The following AP1G1 variants were observed in gnomAD, a reference collection of about 807,000 sequenced individuals.
AP1G1 encodes adaptor related protein complex 1 subunit gamma 1.
Under a neutral mutation model 108.3 loss-of-function variants are expected in AP1G1, and 7 were observed. That is an observed-to-expected ratio of 0.06 (90% confidence interval 0.04 to 0.12). The LOEUF is 0.12. Among genes scored for constraint, AP1G1 ranks in the 10% least tolerant of loss-of-function variants. The pLI is 1.00. For missense variants in AP1G1, 756 were observed against 1,010.7 expected, an observed-to-expected ratio of 0.75 and a Z score of 3.42; for synonymous variants, 379 against 353.5, an observed-to-expected ratio of 1.07 and a Z score of -0.81.
intron 7 of AP1G1, among the ~76,000 whole-genome samples, chr16:71,764,979 C>T (rs886193675): frequency 3.9e-5 from 6 of 152,178 alleles, no homozygotes; most frequent in Non-Finnish European, 8.8e-5. Context: ...CTAAAGGATA[C>T]TACCAGATAC....
chr16:71,795,792 T>A (rs746079850), intron 1 of AP1G1, among the ~76,000 whole-genome samples: 1 of 152,200 alleles, frequency 6.6e-6, no homozygotes, highest in Non-Finnish European at 1.5e-5. Flanking sequence ...ACTGCCTGTG[T>A]TTTTGTGGTT....
At chr16:71,792,262 C>T (rs1479793515) in intron 1 of AP1G1, among the ~76,000 whole-genome samples, 2 of 152,124 alleles carry the variant, frequency 1.3e-5, no homozygotes, top group Non-Finnish European at 2.9e-5. Flanking sequence ...GCCCTCCAAA[C>T]ACAGGCAGGT....
intron 1 of AP1G1, among the ~76,000 whole-genome samples, chr16:71,807,265 A>C (rs1403163208): frequency 6.6e-6 from 1 of 152,134 alleles, no homozygotes; most frequent in East Asian, 1.9e-4. Flanking sequence ...ATCTCTACTA[A>C]AATACAACAA....
In AP1G1 at chr16:71,731,565, G is replaced by C. The variant is rs1025300041; in HGVS notation, c.*1493C>G. 6.6e-6 allele frequency: 1 copy of C among 152,482 alleles called. No individual in the cohort carries two copies. The highest frequency in any genetic ancestry group is 2.4e-5 in the African/African-American group (1 of 41,402). 9.4% of individuals were successfully genotyped at this position (152,482 alleles called of 1,614,324 possible). ...CTTTCTTCAGTATATAAGACATGGC[G>C]CCTGAATACTTGAACATACATAGTA... On this transcript the variant is annotated 3_prime_UTR_variant, in exon 23 of 23. Coordinates refer to ENST00000299980, the MANE Select transcript of AP1G1 (RefSeq NM_001128.6).
chr16:71,778,989 A>G (rs1038128745), intron 2 of AP1G1, among the ~76,000 whole-genome samples: 2 of 152,172 alleles, frequency 1.3e-5, no homozygotes, highest in Admixed American at 6.5e-5. Flanking sequence ...TACCTGAAAC[A>G]TTTCTAACCA....
At chr16:71,786,801 G>T (rs371356107) in intron 2 of AP1G1, among the ~76,000 whole-genome samples, 3 of 151,938 alleles carry the variant, frequency 2.0e-5, no homozygotes, top group African/African-American at 4.8e-5. Flanking sequence ...AATAGTGCAC[G>T]CCTGTAATCT....
Position 71,730,079 on chromosome 16 carries a change from G to A in AP1G1, c.*2979C>T, listed in dbSNP as rs571298667. 6.5e-6 allele frequency: 1 copy of A among 152,674 alleles called. No individual in the cohort carries two copies. Among genetic ancestry groups the A allele is most frequent in the East Asian group, 1.9e-4 (1 of 5,182 alleles). 9.5% of individuals were successfully genotyped at this position (152,674 alleles called of 1,614,324 possible). A position where few individuals can be genotyped will look rare whatever the true frequency, so the allele number is the denominator to read the frequency against. On this transcript the variant is annotated 3_prime_UTR_variant, in exon 23 of 23. Transcript: ENST00000299980. ...AATCACACCTTTAAACTAGCAAGAG[G>A]AAAGAATCCCCTCCCAAATGTTACA...
intron 2 of AP1G1, among the ~76,000 whole-genome samples, chr16:71,778,198 C>T (rs1370438219): frequency 6.6e-6 from 1 of 152,054 alleles, no homozygotes; most frequent in Non-Finnish European, 1.5e-5. Flanking sequence ...CAATATTCCC[C>T]CATTTATAGT....
chr16:71,795,197 A>T (rs2142267809), intron 1 of AP1G1, among the ~76,000 whole-genome samples: 1 of 152,218 alleles, frequency 6.6e-6, no homozygotes, highest in African/African-American at 2.4e-5. Flanking sequence ...CCAACTATCA[A>T]GGACACAACC....
chr16:71,736,731 G>T (rs971238538), intron 21 of AP1G1, among the ~76,000 whole-genome samples: 1 of 148,708 alleles, frequency 6.7e-6, no homozygotes, highest in Non-Finnish European at 1.5e-5. Context: ...CACTACAGGC[G>T]CCCGCCACCA....
chr16:71,795,580 C>T (rs1169659206), intron 1 of AP1G1, among the ~76,000 whole-genome samples: 1 of 152,174 alleles, frequency 6.6e-6, no homozygotes, highest in Admixed American at 6.5e-5. Flanking sequence ...CATACAGAAC[C>T]CCTATTTCAG....
intron 2 of AP1G1, among the ~76,000 whole-genome samples, chr16:71,778,289 G>A (rs1053741674): frequency 6.6e-6 from 1 of 152,142 alleles, no homozygotes; most frequent in East Asian, 1.9e-4. Flanking sequence ...ACTGGAAATA[G>A]CATCTGATAT....
intron 2 of AP1G1, among the ~76,000 whole-genome samples, chr16:71,783,575 G>A (rs2032099595): frequency 1.3e-5 from 2 of 152,214 alleles, no homozygotes; most frequent in Admixed American, 6.5e-5. Flanking sequence ...GTATAAGACT[G>A]TACAGAAAAC....
chr16:71,732,133 T>A lies in AP1G1; in HGVS notation c.*925A>T, dbSNP rs148194062. 6.6e-6 allele frequency: 1 copy of A among 152,238 alleles called. No individual in the cohort carries two copies. Among genetic ancestry groups the A allele is most frequent in the African/African-American group, 2.4e-5 (1 of 41,450 alleles). 9.4% of individuals were successfully genotyped at this position (152,238 alleles called of 1,614,324 possible). A position where few individuals can be genotyped will look rare whatever the true frequency, so the allele number is the denominator to read the frequency against. ...CATTACCATAGTTCAAACAGGCAAG[T>A]TATGGGCTTAGGAGCACTTTAAAAT... On this transcript the variant is annotated 3_prime_UTR_variant, in exon 23 of 23. Coordinates refer to ENST00000299980, the MANE Select transcript of AP1G1 (RefSeq NM_001128.6).
At chr16:71,755,563 C>G (rs188104245) in intron 12 of AP1G1, among the ~76,000 whole-genome samples, 5 of 152,236 alleles carry the variant, frequency 3.3e-5, no homozygotes, top group South Asian at 2.1e-4. Context: ...CTATAATAGC[C>G]TTCTCCAAGC....
At chr16:71,755,865 C>T (rs557873925) in intron 12 of AP1G1, 154 bp downstream of exon 12, 5 of 767,976 alleles carry the variant, frequency 6.5e-6, no homozygotes, top group Non-Finnish European at 8.3e-6. Context: ...AGGCTGGTCT[C>T]GAACTCCTGA....
chr16:71,794,835 C>CTTGTTTTTT (rs2032522672), intron 1 of AP1G1, among the ~76,000 whole-genome samples: 1 of 39,632 alleles, frequency 2.5e-5, no homozygotes, highest in South Asian at 1.4e-3. Flanking sequence ...ATGAGAAGTG[C>CTTGTTTTTT]TTTTTTTTTT....
chr16:71,745,053 G>C (rs2030099687), intron 19 of AP1G1, 91 bp downstream of exon 19: 2 of 1,435,554 alleles, frequency 1.4e-6, no homozygotes, highest in Admixed American at 4.0e-5. Context: ...ATCTTCAAAT[G>C]ATTCACGTGC....
intron 1 of AP1G1, among the ~76,000 whole-genome samples, chr16:71,795,800 GTTT>G (rs1374375306): frequency 6.6e-6 from 1 of 152,154 alleles, no homozygotes; most frequent in Non-Finnish European, 1.5e-5. Flanking sequence ...TGTTTTTGTG[GTTT>G]TCTTTCTTTT....
Sources: allele counts gnomAD v4.1 joint callset (sites outside exome capture counted in the v4.1 genomes callset), GRCh38; gene constraint gnomAD v4.1.1; transcripts MANE v1.5; gene names NCBI Gene and HGNC (gene_info 2026-07-23, HGNC 2026-07-21).